Variants in CDK5RAP2 observed in about 807,000 individuals in gnomAD.
The protein encoded by CDK5RAP2 is CDK5 regulatory subunit associated protein 2, also known as CDK5 regulatory subunit-associated protein 2.
CDK5RAP2 carries 147 observed loss-of-function variants against 232.9 expected under a neutral mutation model. The observed-to-expected ratio is 0.63, with a 90% CI of 0.55 to 0.72. The LOEUF (loss-of-function observed/expected upper bound fraction) is 0.72. Among genes scored for constraint, CDK5RAP2 ranks in the 30% least tolerant of loss-of-function variants. The probability of loss-of-function intolerance (pLI) is 0.00; values close to 1 mark genes in which losing one functional copy is unlikely to be tolerated. For missense variants in CDK5RAP2, 2,195 were observed against 2,231.5 expected (o/e 0.98, Z 0.33); for synonymous variants, 833 against 833.7 (o/e 1.00, Z 0.01).
At chr9:120,549,461 C>T (rs553540967) in intron 4 of CDK5RAP2, among the ~76,000 whole-genome samples, 7 of 152,176 alleles carry the variant, frequency 4.6e-5, no homozygotes, top group Admixed American at 6.5e-5. Flanking sequence ...GAAATCAAGT[C>T]ATCTAGTCAG....
chr9:120,498,949 T>C (rs889855018), intron 12 of CDK5RAP2, among the ~76,000 whole-genome samples: 2 of 152,198 alleles, frequency 1.3e-5, no homozygotes, highest in African/African-American at 4.8e-5. Flanking sequence ...CTTACTAAGT[T>C]GTCCAAGTTT....
chr9:120,437,571 T>C (rs1468454611), intron 24 of CDK5RAP2, 44 bp from the exon 25 acceptor site: 1 of 1,414,552 alleles, frequency 7.1e-7, no homozygotes, highest in South Asian at 1.1e-5. Context: ...ATTTTAGAAT[T>C]GAATTTTTGT....
At position 120,470,188 on chromosome 9, in the gene CDK5RAP2, A is replaced by T. The variant is rs539190620; in HGVS notation, c.1891T>A (p.Ser631Thr). The stretch of plus-strand genomic sequence containing the variant: ...TCTTCAAGGCAAATACTTAGATAAG[A>T]TGTTTGATCACTATAAAGTGAAAAT... The part of the protein sequence containing the change: ...ESFSLYSDQT[S>T]YLSICLEENN... Residue 631 changes from serine (S) to threonine (T), a missense_variant, in exon 17 of 38, where the codon TCT becomes ACT. Transcript: ENST00000349780. 5.0e-6 allele frequency: 8 copies of T among 1,586,748 alleles called. No homozygotes were observed. In the South Asian group the frequency reaches 9.0e-5, roughly 18 times the overall value.
At chr9:120,414,544 GAA>G (rs989368461) in intron 28 of CDK5RAP2, among the ~76,000 whole-genome samples, 3 of 152,090 alleles carry the variant, frequency 2.0e-5, no homozygotes, top group East Asian at 1.9e-4. Context: ...CAGAAGAAAA[GAA>G]AAAAGTGGAG....
chr9:120,406,883 G>A, intron 32 of CDK5RAP2, 129 bp downstream of exon 32: 1 of 737,674 alleles, frequency 1.4e-6, no homozygotes, highest in Non-Finnish European at 2.3e-6. Context: ...CTGGCTCCTA[G>A]GGTACAGCAT....
At chr9:120,557,346 G>C (rs1192678185) in intron 3 of CDK5RAP2, among the ~76,000 whole-genome samples, 6 of 152,100 alleles carry the variant, frequency 3.9e-5, no homozygotes, top group Non-Finnish European at 8.8e-5. Context: ...GTCCTAGCTG[G>C]ATACTCGGCT....
At chr9:120,422,088 A>G (rs887838167) in intron 26 of CDK5RAP2, among the ~76,000 whole-genome samples, 5 of 152,244 alleles carry the variant, frequency 3.3e-5, no homozygotes, top group Non-Finnish European at 7.3e-5. Context: ...AAGCATTACA[A>G]TACCATGTGG....
At chr9:120,444,823 C>G (rs570448577) in intron 22 of CDK5RAP2, among the ~76,000 whole-genome samples, 1 of 152,202 alleles carries the variant, frequency 6.6e-6, no homozygotes, top group Admixed American at 6.5e-5. Flanking sequence ...AGCCAAGTCA[C>G]TTTATCTCTG....
intron 35 of CDK5RAP2, among the ~76,000 whole-genome samples, chr9:120,395,540 C>T (rs1417867202): frequency 2.0e-5 from 3 of 152,226 alleles, no homozygotes; most frequent in East Asian, 3.9e-4. Flanking sequence ...CAAACCAGCT[C>T]CCAGGGGGAA....
intron 6 of CDK5RAP2, among the ~76,000 whole-genome samples, chr9:120,537,957 CAG>C (rs770560475): frequency 6.6e-5 from 10 of 152,272 alleles, no homozygotes; most frequent in Non-Finnish European, 1.0e-4. Context: ...TAGTAAGTGA[CAG>C]AGCAGAGACC....
At position 120,518,633 on chromosome 9, in the gene CDK5RAP2, A is replaced by G. The variant is rs772340254; in HGVS notation, c.1105T>C (p.Tyr369His). The G allele has an allele frequency of 9.9e-6, 16 of 1,613,608 alleles. No individual in the cohort carries two copies. Among genetic ancestry groups the G allele is most frequent in the Admixed American group, 1.7e-5 (1 of 59,976 alleles). Residue 369 changes from tyrosine to histidine, a missense_variant, in exon 12 of 38, where the codon TAT (tyrosine) becomes CAT (histidine). Coordinates refer to ENST00000349780, the MANE Select transcript of CDK5RAP2 (RefSeq NM_018249.6). ...TCCTTTCCTGATAGAGCAGTCTCATAGTCTTCAGACCCCTAGAAGAGAAGG... is the reference window on the plus strand; with the variant it reads ...TCCTTTCCTGATAGAGCAGTCTCATGGTCTTCAGACCCCTAGAAGAGAAGG... ...QTQEFQGSED[Y>H]ETALSGKEAL...
chr9:120,534,811 T>C (rs144150467), intron 7 of CDK5RAP2, among the ~76,000 whole-genome samples: 2 of 152,280 alleles, frequency 1.3e-5, no homozygotes, highest in East Asian at 3.9e-4. Context: ...CTACTCCCAG[T>C]TTAACTGCTC....
intron 14 of CDK5RAP2, among the ~76,000 whole-genome samples, chr9:120,484,960 G>C (rs1408111779): frequency 6.6e-6 from 1 of 151,652 alleles, no homozygotes; most frequent in African/African-American, 2.4e-5. Context: ...CTGGCCTCAA[G>C]CAATCCTCCT....
chr9:120,434,748 A>G (rs974590250), intron 25 of CDK5RAP2, among the ~76,000 whole-genome samples: 3 of 152,176 alleles, frequency 2.0e-5, no homozygotes, highest in African/African-American at 4.8e-5. Context: ...GGAGGGAGGG[A>G]TCAACACGTC....
At chr9:120,455,561 T>C (rs1215543142) in intron 20 of CDK5RAP2, among the ~76,000 whole-genome samples, 1 of 151,610 alleles carries the variant, frequency 6.6e-6, no homozygotes, top group African/African-American at 2.4e-5. Flanking sequence ...GGCAACATGG[T>C]GAAACCCTAT....
At chr9:120,563,293 G>C (rs2132140474) in intron 3 of CDK5RAP2, among the ~76,000 whole-genome samples, 1 of 152,322 alleles carries the variant, frequency 6.6e-6, no homozygotes, top group Middle Eastern at 3.4e-3. Flanking sequence ...GGCTAGAGCA[G>C]TGTACGACGG....
chr9:120,477,569 C>A (rs2038083461), intron 14 of CDK5RAP2, 119 bp from the exon 15 acceptor site: 1 of 810,532 alleles, frequency 1.2e-6, no homozygotes, highest in Non-Finnish European at 2.1e-6. Flanking sequence ...GTGAGAGAGG[C>A]CCTGTGCCTG....
chr9:120,536,537 A>AT lies in CDK5RAP2; in HGVS notation c.508-12dup. On this transcript the variant is annotated splice_polypyrimidine_tract_variant and intron_variant, in intron 6 of 37. Transcript: ENST00000349780. ...GGCGGCTGTCACATCCTAGAGTCAA[A>AT]TTAAATGCATTTGATGCAATTTTTC... 6.2e-7 allele frequency: 1 copy of AT among 1,613,468 alleles called. No individual in the cohort carries two copies. The highest frequency in any genetic ancestry group is 8.5e-7 in the Non-Finnish European group (1 of 1,179,646).
chr9:120,417,168 C>T (rs371098202), intron 27 of CDK5RAP2, among the ~76,000 whole-genome samples: 10 of 152,052 alleles, frequency 6.6e-5, no homozygotes, highest in South Asian at 2.1e-4. Flanking sequence ...CACCTCCCCA[C>T]GCCTTAAACT....
Sources: gnomAD v4.1 joint callset for allele counts (sites outside exome capture counted in the v4.1 genomes callset) on GRCh38, gnomAD v4.1.1 for gene constraint, MANE v1.5 for transcripts, NCBI Gene and HGNC (gene_info 2026-07-23, HGNC 2026-07-21) for gene names.